Variants in FYB2 observed in about 807,000 individuals in gnomAD.
FYB2 encodes the protein FYN binding protein 2.
In FYB2, 103 loss-of-function variants were observed where a neutral mutation model predicts 94.1. That is an observed-to-expected ratio of 1.09 (90% confidence interval 0.93 to 1.29). FYB2 has a LOEUF of 1.29. FYB2 is among the 50% of genes most tolerant of loss of function. The pLI is 0.00. For synonymous variants in FYB2, 293 were observed against 287.9 expected (o/e 1.02, Z -0.18); for missense variants, 896 against 841.5 (o/e 1.06, Z -0.80).
chr1:56,745,792 G>C (rs1309730216), intron 9 of FYB2, among the ~76,000 whole-genome samples: 1 of 151,962 alleles, frequency 6.6e-6, no homozygotes, highest in Non-Finnish European at 1.5e-5. Flanking sequence ...AGTTCTTGCA[G>C]TGATCTACAG....
chr1:56,775,553 T>C (rs1035312209), intron 4 of FYB2, among the ~76,000 whole-genome samples: 26 of 152,200 alleles, frequency 1.7e-4, no homozygotes, highest in African/African-American at 6.3e-4. Context: ...TAGATACTAT[T>C]ATTCTTTCCA....
intron 9 of FYB2, among the ~76,000 whole-genome samples, chr1:56,748,590 G>T (rs958160979): frequency 6.6e-6 from 1 of 151,456 alleles, no homozygotes; most frequent in South Asian, 2.1e-4. Context: ...CTCTTTTAAC[G>T]GTATATTTTA....
chr1:56,731,030 G>A (rs1305785659), intron 15 of FYB2, among the ~76,000 whole-genome samples: 1 of 151,980 alleles, frequency 6.6e-6, no homozygotes, highest in Non-Finnish European at 1.5e-5. Flanking sequence ...TCATGATCAT[G>A]CCACCACTGC....
intron 7 of FYB2, among the ~76,000 whole-genome samples, chr1:56,755,388 A>G (rs1210178302): frequency 2.6e-5 from 4 of 152,090 alleles, no homozygotes; most frequent in African/African-American, 9.7e-5. Context: ...GAGTGGAATG[A>G]AGGAAGGGTT....
chr1:56,722,897 A>AC (rs1557578477), intron 17 of FYB2, among the ~76,000 whole-genome samples: 11 of 152,082 alleles, frequency 7.2e-5, no homozygotes, highest in Non-Finnish European at 1.0e-4. Flanking sequence ...TGTCTAGCAC[A>AC]TGGAAGGTGC....
At chr1:56,744,992 T>G (rs1341267834) in intron 9 of FYB2, among the ~76,000 whole-genome samples, 1 of 152,008 alleles carries the variant, frequency 6.6e-6, no homozygotes, top group Non-Finnish European at 1.5e-5. Flanking sequence ...TGGTATCTAT[T>G]AATTAAATGA....
chr1:56,777,480 C>T (rs987665654), intron 4 of FYB2, among the ~76,000 whole-genome samples: 6 of 152,018 alleles, frequency 3.9e-5, no homozygotes, highest in African/African-American at 1.4e-4. Context: ...AATATTAGAC[C>T]ATCTCTCTGC....
At chr1:56,735,913 TAAC>T (rs1644820772) in intron 15 of FYB2, among the ~76,000 whole-genome samples, 1 of 152,126 alleles carries the variant, frequency 6.6e-6, no homozygotes, top group Non-Finnish European at 1.5e-5. Context: ...TGACTATAGT[TAAC>T]AATAATATAT....
intron 16 of FYB2, among the ~76,000 whole-genome samples, 197 bp downstream of exon 16, chr1:56,726,300 G>A (rs1438453238): frequency 6.6e-6 from 1 of 151,894 alleles, no homozygotes; most frequent in Non-Finnish European, 1.5e-5. Context: ...AAGATACATG[G>A]GTATGACACT....
chr1:56,755,513 CA>C (rs1557614083), intron 7 of FYB2, among the ~76,000 whole-genome samples: 1 of 152,164 alleles, frequency 6.6e-6, no homozygotes, highest in East Asian at 1.9e-4. Context: ...TGGTGCATTT[CA>C]GAAATTGTCA....
At chr1:56,766,492 G>T (rs1185365748) in intron 5 of FYB2, among the ~76,000 whole-genome samples, 1 of 151,512 alleles carries the variant, frequency 6.6e-6, no homozygotes, top group Non-Finnish European at 1.5e-5. Flanking sequence ...GGAGTGCAGT[G>T]GCGCGATCTC....
intron 15 of FYB2, among the ~76,000 whole-genome samples, chr1:56,727,785 C>T (rs1016160032): frequency 1.3e-5 from 2 of 152,022 alleles, no homozygotes; most frequent in African/African-American, 4.8e-5. Flanking sequence ...CAGGGCAATT[C>T]GTTTTACCAT....
At chr1:56,737,173 G>T in intron 14 of FYB2, 26 bp from the exon 15 acceptor site, 2 of 1,536,910 alleles carry the variant, frequency 1.3e-6, no homozygotes, top group Non-Finnish European at 1.8e-6. Flanking sequence ...AATCAAAATA[G>T]TCCATTATTA....
chr1:56,785,317 A>G (rs1411966372), intron 4 of FYB2, among the ~76,000 whole-genome samples: 1 of 152,220 alleles, frequency 6.6e-6, no homozygotes, highest in Non-Finnish European at 1.5e-5. Flanking sequence ...TGCTCACAAT[A>G]TGAAAGAACA....
Position 56,789,080 on chromosome 1 carries a change from G to T in FYB2, c.812C>A (p.Ser271Tyr). ...GGGAGGAGGACCCAGGGAGTCGATG[G>T]AGGGCAATGGCTTTGTTTTGGGAAG... ...HHLPKTKPLP[S>Y]IDSLGPPPPK... The change falls in exon 3 of 20, where the codon TCC (serine) becomes TAC (tyrosine). Residue 271 changes from serine to tyrosine, a missense_variant. Ser to Tyr is a moderately radical substitution (Grantham distance 144). Transcript: ENST00000343433. The T allele has an allele frequency of 6.2e-7, 1 of 1,612,834 alleles. No individual in the cohort carries two copies. Among genetic ancestry groups the T allele is most frequent in the Non-Finnish European group, 8.5e-7 (1 of 1,179,408 alleles).
In FYB2 at chr1:56,792,046, C is replaced by T. The variant is rs750944296; in HGVS notation, c.757+10G>A. 14 of 1,560,184 alleles carry T rather than the reference C, an allele frequency of 9.0e-6. No individual in the cohort carries two copies. Among genetic ancestry groups the T allele is most frequent in the Middle Eastern group, 2.0e-4 (1 of 5,012 alleles). On this transcript the variant is annotated intron_variant, in intron 2 of 19. Transcript: ENST00000343433. ...CCTAGCCCCTGTCCCATGGGGATCA[C>T]GTTTGTTACCTGGGGCCTGACTGGC...
Position 56,744,064 on chromosome 1 carries a change from G to A in FYB2, c.1505C>T (p.Pro502Leu), listed in dbSNP as rs150604810. Residue 502 changes from proline to leucine, a missense_variant and splice_region_variant, in exon 11 of 20, where the codon CCG becomes CTG. Pro to Leu is a moderately conservative substitution (Grantham distance 98). Transcript: ENST00000343433. The stretch of plus-strand genomic sequence containing the variant: ...AAGTGAGCTAGAGTAGTTCAGCTTC[G>A]GTCTATGGGAGAAAATAACAAAGAC... ...DDVEYSRKEV[P>L]KLNYSSSLAS... The A allele has an allele frequency of 1.4e-4, 229 of 1,612,250 alleles. No homozygotes were observed. Among genetic ancestry groups the A allele is most frequent in the Non-Finnish European group, 1.8e-4 (211 of 1,179,192 alleles).
At chr1:56,724,465 ATTTG>A (rs750971925) in intron 16 of FYB2, among the ~76,000 whole-genome samples, 1 of 151,894 alleles carries the variant, frequency 6.6e-6, no homozygotes, top group Non-Finnish European at 1.5e-5. Flanking sequence ...TGTCCCCTAC[ATTTG>A]TTTATTTCCA....
intron 1 of FYB2, among the ~76,000 whole-genome samples, chr1:56,816,645 T>G (rs6673223): frequency 0.24 from 36,200 of 152,076 alleles, 4,446 homozygotes; most frequent in Middle Eastern, 0.29. Context: ...CACCCAGTGC[T>G]ATTCTAGATA....
Sources: gnomAD v4.1 joint callset for allele counts (sites outside exome capture counted in the v4.1 genomes callset) on GRCh38, gnomAD v4.1.1 for gene constraint, MANE v1.5 for transcripts, NCBI Gene and HGNC (gene_info 2026-07-23, HGNC 2026-07-21) for gene names.